ZNF525: variants seen among roughly 807,000 people sequenced by gnomAD.
ZNF525 encodes zinc finger protein 525.
In ZNF525, 33 loss-of-function variants were observed where a neutral mutation model predicts 37.6. That is an observed-to-expected ratio of 0.88 (90% confidence interval 0.67 to 1.17). ZNF525 has a LOEUF of 1.17. Ranked by LOEUF, ZNF525 falls within the 50% of genes most tolerant of loss-of-function variation. The pLI, the probability that ZNF525 is intolerant of heterozygous loss-of-function variation, is 0.00. For synonymous variants in ZNF525, 170 were observed against 182.3 expected (o/e 0.93, Z 0.54); for missense variants, 449 against 543.1 (o/e 0.83, Z 1.72).
rs1208030128 is a variant in ZNF525 at position 53,385,017 on chromosome 19, C to A, written c.*2998C>A. 1.4e-6 allele frequency: 1 copy of A among 701,448 alleles called. No homozygotes were observed. The allele number at this position is 701,448 out of a possible 1,614,324, so 43.5% of individuals were successfully genotyped here. On this transcript the variant is annotated 3_prime_UTR_variant, in exon 4 of 4. Transcript: ENST00000474037. The stretch of plus-strand genomic sequence containing the variant: ...TGAATTTTGTGGAACGCTTTTTCTC[C>A]ATCTACTAAGGTGATGTGGTTTTAA...
rs1477540787 is a variant in ZNF525, at chr19:53,382,423, CCTT to C, written c.*406_*408del. On this transcript the variant is annotated 3_prime_UTR_variant, in exon 4 of 4. Coordinates refer to ENST00000474037, the MANE Select transcript of ZNF525 (RefSeq NM_001348156.2). ...TACAAGTGTAATGAGTGTGGCAAGA[CCTT>C]CAGTCAGAAGTCATGCCTTACACGC... 8.0e-6 allele frequency: 7 copies of C among 876,408 alleles called. No individual in the cohort carries two copies. In the African/African-American group the frequency reaches 8.2e-5, roughly 10 times the overall value. The allele number at this position is 876,408 out of a possible 1,614,324, so 54.3% of individuals were successfully genotyped here.
At chr19:53,375,307 G>T (rs1021524393) in intron 2 of ZNF525, among the ~76,000 whole-genome samples, 2 of 152,132 alleles carry the variant, frequency 1.3e-5, no homozygotes, top group African/African-American at 4.8e-5. Flanking sequence ...TTCTGCGCCA[G>T]GCAGGGCCCA....
rs2085603922 is a variant in ZNF525, at chr19:53,386,008, T to C, written c.*3989T>C. 8.6e-6 allele frequency: 2 copies of C among 233,604 alleles called. No homozygotes were observed. The highest frequency in any genetic ancestry group is 2.3e-5 in the African/African-American group (1 of 43,480). 14.5% of individuals were successfully genotyped at this position (233,604 alleles called of 1,614,324 possible). On this transcript the variant is annotated 3_prime_UTR_variant, in exon 4 of 4. Coordinates refer to ENST00000474037, the MANE Select transcript of ZNF525 (RefSeq NM_001348156.2). Reference sequence around the variant, plus strand: ...CCATCTCTAGTAAAAATACAAAAATTAGCTCAGCATGGTGGCATGCGCCTG... The same window carrying C: ...CCATCTCTAGTAAAAATACAAAAATCAGCTCAGCATGGTGGCATGCGCCTG...
Position 53,383,202 on chromosome 19 carries a change from T to C in ZNF525, c.*1183T>C. 2 of 1,398,490 alleles carry C rather than the reference T, an allele frequency of 1.4e-6. No individual in the cohort carries two copies. The highest frequency in any genetic ancestry group is 2.0e-6 in the Non-Finnish European group (2 of 1,009,886). The allele number at this position is 1,398,490 out of a possible 1,614,324, so 86.6% of individuals were successfully genotyped here. Reference sequence around the variant, plus strand: ...TACTCTCACAATTCAGTCCTTGTAATTCATAAGACAATTCACACTGGGGAG... The same window carrying C: ...TACTCTCACAATTCAGTCCTTGTAACTCATAAGACAATTCACACTGGGGAG... On this transcript the variant is annotated 3_prime_UTR_variant, in exon 4 of 4. Coordinates refer to ENST00000474037, the MANE Select transcript of ZNF525 (RefSeq NM_001348156.2).
At position 53,386,276 on chromosome 19, in the gene ZNF525, A is replaced by C. The variant is rs1255128951; in HGVS notation, c.*4257A>C. ...TTCAGGATTAAGCGATTCCTGGCCA[A>C]GAAACAAAAGCAAAACCATCCCACT... On this transcript the variant is annotated 3_prime_UTR_variant, in exon 4 of 4. Transcript: ENST00000474037. The C allele has an allele frequency of 5.8e-6, 4 of 684,492 alleles. No homozygotes were observed. Among genetic ancestry groups the C allele is most frequent in the Non-Finnish European group, 1.1e-5 (4 of 368,908 alleles). 42.4% of individuals were successfully genotyped at this position (684,492 alleles called of 1,614,324 possible). A position where few individuals can be genotyped will look rare whatever the true frequency, so the allele number is the denominator to read the frequency against.
In ZNF525 at chr19:53,381,036, A is replaced by T; in HGVS notation, c.457A>T (p.Ile153Leu). The T allele has an allele frequency of 3.2e-6, 5 of 1,558,372 alleles. No individual in the cohort carries two copies. Among genetic ancestry groups the T allele is most frequent in the Non-Finnish European group, 4.4e-6 (5 of 1,129,180 alleles). Residue 153 changes from isoleucine to leucine, a missense_variant, in exon 4 of 4, where the codon ATA becomes TTA. Around this residue, in one of 2 missense-constraint regions of ZNF525, gnomAD observed 271 missense variants for 381.6 expected, o/e 0.71. Coordinates refer to ENST00000474037, the MANE Select transcript of ZNF525 (RefSeq NM_001348156.2). ...SFHSHLSELHIFQPKGKINNQ... is the reference protein window; with the variant it reads ...SFHSHLSELHLFQPKGKINNQ... The stretch of plus-strand genomic sequence containing the variant: ...TCATTCACATCTGTCTGAACTCCAC[A>T]TATTTCAGCCCAAAGGGAAAATTAA...
At chr19:53,370,213 G>A (rs538349417) in intron 1 of ZNF525, among the ~76,000 whole-genome samples, 1 of 149,594 alleles carries the variant, frequency 6.7e-6, no homozygotes, top group Non-Finnish European at 1.5e-5. Context: ...GAGGTCAGGA[G>A]ATCGAGATTA....
At position 53,381,882 on chromosome 19, in the gene ZNF525, G is replaced by GGA; in HGVS notation, c.1308_1309dup (p.Lys437ArgfsTer213). 1 of 1,002,806 alleles carries GGA rather than the reference G, an allele frequency of 1.0e-6. No individual in the cohort carries two copies. The highest frequency in any genetic ancestry group is 1.6e-6 in the Non-Finnish European group (1 of 621,294). The allele number at this position is 1,002,806 out of a possible 1,614,324, so 62.1% of individuals were successfully genotyped here. A position where few individuals can be genotyped will look rare whatever the true frequency, so the allele number is the denominator to read the frequency against. On this transcript the variant is annotated frameshift_variant, in exon 4 of 4. Transcript: ENST00000474037. LOFTEE classifies it high-confidence loss of function. Reference sequence around the variant, plus strand: ...TGAAAGACATAGGAGAATTCATAATGGAGAGAAACTGTACAAATGTAATGA... The same window carrying GGA: ...TGAAAGACATAGGAGAATTCATAATGGAGAGAGAAACTGTACAAATGTAATGA...
At chr19:53,369,784 G>A (rs1296379405) in intron 1 of ZNF525, among the ~76,000 whole-genome samples, 1 of 126,370 alleles carries the variant, frequency 7.9e-6, no homozygotes, top group African/African-American at 3.4e-5. Context: ...GAGTGCAGTG[G>A]CGCGATCTGG....
rs1243055128 is a variant in ZNF525, at chr19:53,381,877, A to G, written c.1298A>G (p.His433Arg). 1 of 1,008,620 alleles carries G rather than the reference A, an allele frequency of 9.9e-7. No individual in the cohort carries two copies. Among genetic ancestry groups the G allele is most frequent in the Non-Finnish European group, 1.6e-6 (1 of 626,558 alleles). The allele number at this position is 1,008,620 out of a possible 1,614,324, so 62.5% of individuals were successfully genotyped here. A position where few individuals can be genotyped will look rare whatever the true frequency, so the allele number is the denominator to read the frequency against. ...KSSLERHRRI[H>R]NGEKLYKCNE... ...AGTCTTGAAAGACATAGGAGAATTC[A>G]TAATGGAGAGAAACTGTACAAATGT... The change falls in exon 4 of 4, where the codon CAT (histidine) becomes CGT (arginine). Residue 433 changes from histidine (H) to arginine (R), a missense_variant. Coordinates refer to ENST00000474037, the MANE Select transcript of ZNF525 (RefSeq NM_001348156.2).
Position 53,385,175 on chromosome 19 carries a change from C to A in ZNF525, c.*3156C>A. ...TCCTCTTGAATACAGTTTTCTAGGA[C>A]AAGGGATCTTCAAGAAGTTCTGGAA... On this transcript the variant is annotated 3_prime_UTR_variant, in exon 4 of 4. Transcript: ENST00000474037. 4.0e-6 allele frequency: 2 copies of A among 496,560 alleles called. No individual in the cohort carries two copies. Among genetic ancestry groups the A allele is most frequent in the Non-Finnish European group, 7.1e-6 (2 of 282,502 alleles). 30.8% of individuals were successfully genotyped at this position (496,560 alleles called of 1,614,324 possible). A position where few individuals can be genotyped will look rare whatever the true frequency, so the allele number is the denominator to read the frequency against.
chr19:53,375,308 G>T (rs967656229), intron 2 of ZNF525, among the ~76,000 whole-genome samples: 1 of 152,128 alleles, frequency 6.6e-6, no homozygotes, highest in African/African-American at 2.4e-5. Flanking sequence ...TCTGCGCCAG[G>T]CAGGGCCCAG....
intron 1 of ZNF525, among the ~76,000 whole-genome samples, chr19:53,366,080 C>G (rs1171281218): frequency 5.5e-4 from 84 of 152,318 alleles, no homozygotes; most frequent in Non-Finnish European, 1.2e-4. Context: ...AATTCCCGCC[C>G]TGGGCGCCTC....
In ZNF525 at chr19:53,381,510, A is replaced by T; in HGVS notation, c.931A>T (p.Asn311Tyr). The change falls in exon 4 of 4, where the codon AAT becomes TAT. Residue 311 changes from asparagine to tyrosine, a missense_variant. Around this residue, in one of 2 missense-constraint regions of ZNF525, gnomAD observed 178 missense variants for 161.5 expected, o/e 1.10. Coordinates refer to ENST00000474037, the MANE Select transcript of ZNF525 (RefSeq NM_001348156.2). ...CEECDKAFRHNSALQRHRRIH... is the reference protein window; with the variant it reads ...CEECDKAFRHYSALQRHRRIH... ...AGAATGTGACAAAGCTTTCAGACAC[A>T]ATTCAGCCCTTCAAAGACATAGGAG... The T allele has an allele frequency of 7.6e-7, 1 of 1,308,148 alleles. No homozygotes were observed. The highest frequency in any genetic ancestry group is 1.1e-6 in the Non-Finnish European group (1 of 900,816). 81.0% of individuals were successfully genotyped at this position (1,308,148 alleles called of 1,614,324 possible).
chr19:53,382,875 G>A lies in ZNF525; in HGVS notation c.*856G>A, dbSNP rs181612654. The A allele has an allele frequency of 7.2e-7, 1 of 1,383,078 alleles. No homozygotes were observed. Among genetic ancestry groups the A allele is most frequent in the South Asian group, 1.2e-5 (1 of 86,174 alleles). 85.7% of individuals were successfully genotyped at this position (1,383,078 alleles called of 1,614,324 possible). ...AAATCAAACCTTGAAAGTCATAGGAGAATTCATACTAGAGAGAAACCTTAC... is the reference window on the plus strand; with the variant it reads ...AAATCAAACCTTGAAAGTCATAGGAAAATTCATACTAGAGAGAAACCTTAC... On this transcript the variant is annotated 3_prime_UTR_variant, in exon 4 of 4. Coordinates refer to ENST00000474037, the MANE Select transcript of ZNF525 (RefSeq NM_001348156.2).
intron 2 of ZNF525, among the ~76,000 whole-genome samples, chr19:53,373,093 A>G (rs10421033): frequency 0.027 from 4,098 of 152,020 alleles, 193 homozygotes; most frequent in African/African-American, 0.094. Flanking sequence ...TATTCTGATA[A>G]TATTATTATA....
Position 53,374,238 on chromosome 19 carries a change from C to A in ZNF525, c.16-1532C>A, listed in dbSNP as rs1019884068. Among the ~76,000 whole-genome samples the A allele has an allele frequency of 2.0e-5, 3 of 152,300 alleles. No homozygotes were observed. In the East Asian group the frequency reaches 5.8e-4, roughly 29 times the overall value. ...TCCTCCCACTCTCCCCACTCTCAAG[C>A]AGACCTCAGTGTGTTTTGTTTTCTT... On this transcript the variant is annotated intron_variant, in intron 2 of 3. Coordinates refer to ENST00000474037, the MANE Select transcript of ZNF525 (RefSeq NM_001348156.2).
intron 1 of ZNF525, among the ~76,000 whole-genome samples, chr19:53,366,265 G>C (rs538275559): frequency 8.8e-6 from 1 of 113,692 alleles, no homozygotes; most frequent in African/African-American, 2.5e-5. Context: ...CCCATCCGCA[G>C]TCACAGCTTG....
intron 1 of ZNF525, among the ~76,000 whole-genome samples, chr19:53,366,966 A>G (rs1299699075): frequency 6.6e-6 from 1 of 152,006 alleles, no homozygotes; most frequent in African/African-American, 2.4e-5. Flanking sequence ...TGAGCATTTC[A>G]ACAAACACAG....
Sources: gnomAD v4.1 joint callset for allele counts (sites outside exome capture counted in the v4.1 genomes callset) on GRCh38, gnomAD v4.1.1 for gene constraint, gnomAD v4.1.1 regional missense constraint, MANE v1.5 for transcripts, NCBI Gene and HGNC (gene_info 2026-07-23, HGNC 2026-07-21) for gene names.